FAM81A: variants seen among roughly 807,000 people sequenced by gnomAD.
The protein encoded by FAM81A is protein FAM81A.
A neutral mutation model predicts 46.7 loss-of-function variants in FAM81A; 19 were observed. The ratio of observed to expected loss-of-function variants is 0.41; its 90% CI spans 0.28 to 0.60. The LOEUF (loss-of-function observed/expected upper bound fraction) is 0.60. Among genes scored for constraint, FAM81A ranks in the 20% least tolerant of loss-of-function variants. The pLI is 0.34. For missense variants in FAM81A, 377 were observed against 453.5 expected, an observed-to-expected ratio of 0.83 and a Z score of 1.53; for synonymous variants, 183 against 152.9, an observed-to-expected ratio of 1.20 and a Z score of -1.45.
intron 1 of FAM81A, among the ~76,000 whole-genome samples, chr15:59,449,634 T>C (rs1307759279): frequency 6.6e-6 from 1 of 151,758 alleles, no homozygotes; most frequent in Non-Finnish European, 1.5e-5. Context: ...CACAAAAAAT[T>C]AGCCGGGCGT....
chr15:59,458,725 A>G (rs2081513831), intron 2 of FAM81A, 79 bp downstream of exon 2: 1 of 1,362,356 alleles, frequency 7.3e-7, no homozygotes, highest in Non-Finnish European at 1.1e-6. Context: ...GGGCTGTTAC[A>G]TTATCGGAGA....
intron 2 of FAM81A, among the ~76,000 whole-genome samples, chr15:59,408,465 C>T (rs2081106326): frequency 6.6e-6 from 1 of 152,130 alleles, no homozygotes; most frequent in African/African-American, 2.4e-5. Flanking sequence ...GAGGCTGAGG[C>T]GGGTGGATCA....
intron 2 of FAM81A, among the ~76,000 whole-genome samples, chr15:59,406,056 C>T (rs1308368528): frequency 1.3e-5 from 2 of 152,120 alleles, no homozygotes; most frequent in African/African-American, 4.8e-5. Context: ...ATGTCCAAGG[C>T]CCCTGGAAAC....
At chr15:59,400,217 G>A (rs2081064389) in intron 1 of FAM81A, among the ~76,000 whole-genome samples, 1 of 152,028 alleles carries the variant, frequency 6.6e-6, no homozygotes, top group Non-Finnish European at 1.5e-5. Flanking sequence ...CTGTCTGGGG[G>A]AATGCGTCTG....
At chr15:59,452,604 G>A (rs1328685917) in intron 1 of FAM81A, among the ~76,000 whole-genome samples, 4 of 152,128 alleles carry the variant, frequency 2.6e-5, no homozygotes, top group South Asian at 2.1e-4. Flanking sequence ...CTATGACCAA[G>A]CCACTGTATT....
intron 3 of FAM81A, among the ~76,000 whole-genome samples, chr15:59,476,893 G>A (rs146624108): frequency 6.6e-6 from 1 of 151,908 alleles, no homozygotes; most frequent in African/African-American, 2.4e-5. Context: ...AGACCAAGGT[G>A]GGCAGATCAT....
intron 1 of FAM81A, among the ~76,000 whole-genome samples, chr15:59,399,267 A>G (rs1596455670): frequency 6.6e-6 from 1 of 152,174 alleles, no homozygotes; most frequent in African/African-American, 2.4e-5. Context: ...CTATAAAATC[A>G]TATCCCAGAA....
rs1190091484 is a variant in FAM81A at position 59,508,899 on chromosome 15, T to G, written c.580T>G (p.Ser194Ala). 1.2e-6 allele frequency: 2 copies of G among 1,613,470 alleles called. No individual in the cohort carries two copies. The highest frequency in any genetic ancestry group is 2.2e-5 in the South Asian group (2 of 91,056). Residue 194 changes from serine (S) to alanine (A), a missense_variant, in exon 6 of 9, where the codon TCA becomes GCA. Transcript: ENST00000288228. The stretch of plus-strand genomic sequence containing the variant: ...TTTGAACAGAGTGGACTTGTCAATA[T>G]CAGAGCAGAGCACCAAACTGAAGAT... The part of the protein sequence containing the change: ...QLLNRVDLSI[S>A]EQSTKLKMSH...
rs1439884102 is a variant in FAM81A at position 59,492,298 on chromosome 15, GACA to G, written c.326_328del (p.Asn109del). On this transcript the variant is annotated inframe_deletion, in exon 4 of 9. Coordinates refer to ENST00000288228, the MANE Select transcript of FAM81A (RefSeq NM_152450.3). ...ACTCCAGGAGCAGATTCGTGCCCGG[GACA>G]ACATTAGCTATGGAACTAATTCTGC... 3 of 1,613,550 alleles carry G rather than the reference GACA, an allele frequency of 1.9e-6. No homozygotes were observed. Among genetic ancestry groups the G allele is most frequent in the Non-Finnish European group, 1.7e-6 (2 of 1,179,732 alleles).
At chr15:59,426,974 C>T (rs2081197607) in intron 2 of FAM81A, among the ~76,000 whole-genome samples, 1 of 152,208 alleles carries the variant, frequency 6.6e-6, no homozygotes, top group Admixed American at 6.5e-5. Context: ...ATCACTAGTT[C>T]ATCTATAAGC....
At chr15:59,413,182 G>A (rs138744701) in intron 2 of FAM81A, among the ~76,000 whole-genome samples, 1 of 152,258 alleles carries the variant, frequency 6.6e-6, no homozygotes, top group East Asian at 1.9e-4. Context: ...CTCTGTGGGA[G>A]ATGGGGGAAC....
intron 3 of FAM81A, among the ~76,000 whole-genome samples, chr15:59,484,431 ACAT>A (rs1481437605): frequency 6.6e-6 from 1 of 152,228 alleles, no homozygotes; most frequent in African/African-American, 2.4e-5. Context: ...CCTGATTTTA[ACAT>A]CATATCACTG....
chr15:59,421,919 CTATCATCT>C (rs1296579892), intron 2 of FAM81A, among the ~76,000 whole-genome samples: 1 of 136,224 alleles, frequency 7.3e-6, no homozygotes, highest in Non-Finnish European at 1.6e-5. Context: ...ATCTATCTAT[CTATCATCT>C]GTCACCTATT....
rs150958741 is a variant in FAM81A at position 59,506,943 on chromosome 15, C to T, written c.414-270C>T. 3.9e-3 allele frequency among the ~76,000 whole-genome samples: 595 copies of T among 152,290 alleles called. 1 individual carries two copies. Among genetic ancestry groups the T allele is most frequent in the Middle Eastern group, 0.014 (4 of 294 alleles). On this transcript the variant is annotated intron_variant, in intron 4 of 8. Transcript: ENST00000288228. ...AGCTATGCTCTTTGTATTGGCCTCT[C>T]GCTGCACATACAGTGTTGTACTCAT...
At chr15:59,402,497 A>C (rs1269351234) in intron 2 of FAM81A, 3 of 152,042 alleles carry the variant, frequency 2.0e-5, no homozygotes, top group Non-Finnish European at 4.4e-5. Context: ...AGTCCCTTAC[A>C]TGTGTTTGGC....
In FAM81A at chr15:59,523,362, A is replaced by G. The variant is rs2082346123; in HGVS notation, c.*1984A>G. Reference sequence around the variant, plus strand: ...GTGCCTCCCAGACCGATTAAGTCAGAACCTCTGGGAGGTGGGTCGCAGGCA... The same window carrying G: ...GTGCCTCCCAGACCGATTAAGTCAGGACCTCTGGGAGGTGGGTCGCAGGCA... On this transcript the variant is annotated 3_prime_UTR_variant, in exon 9 of 9. Transcript: ENST00000288228. 6.6e-6 allele frequency: 1 copy of G among 152,218 alleles called. No homozygotes were observed. Among genetic ancestry groups the G allele is most frequent in the Non-Finnish European group, 1.5e-5 (1 of 68,058 alleles). 9.4% of individuals were successfully genotyped at this position (152,218 alleles called of 1,614,324 possible).
At chr15:59,419,927 C>T (rs558287255) in intron 2 of FAM81A, among the ~76,000 whole-genome samples, 1 of 152,144 alleles carries the variant, frequency 6.6e-6, no homozygotes, top group South Asian at 2.1e-4. Context: ...CAGCTCTGCC[C>T]CTCTGGAGGT....
intron 3 of FAM81A, among the ~76,000 whole-genome samples, chr15:59,488,720 T>C (rs751837175): frequency 3.9e-5 from 6 of 152,218 alleles, no homozygotes; most frequent in Non-Finnish European, 8.8e-5. Context: ...CTCACGCCTA[T>C]AATCCCAGCA....
chr15:59,482,651 T>C (rs2081867899), intron 3 of FAM81A, among the ~76,000 whole-genome samples: 1 of 152,218 alleles, frequency 6.6e-6, no homozygotes, highest in Admixed American at 6.5e-5. Context: ...AGAATTTGCA[T>C]GCGTAACAAG....
Sources: gnomAD v4.1 joint callset for allele counts (sites outside exome capture counted in the v4.1 genomes callset) on GRCh38, gnomAD v4.1.1 for gene constraint, MANE v1.5 for transcripts, NCBI Gene and HGNC (gene_info 2026-07-23, HGNC 2026-07-21) for gene names.